ZACN: variants seen among roughly 807,000 people sequenced by gnomAD.
ZACN encodes zinc activated ion channel, also known as ligand-gated cation channel ZACN.
ZACN carries 52 observed loss-of-function variants against 38.9 expected under a neutral mutation model. The ratio of observed to expected loss-of-function variants is 1.34; its 90% confidence interval spans 1.07 to 1.68. ZACN has a LOEUF of 1.68. ZACN is among the 40% of genes most tolerant of loss of function. The probability of loss-of-function intolerance (pLI) is 0.00; values close to 1 mark genes in which losing one functional copy is unlikely to be tolerated. For missense variants in ZACN, 559 were observed against 525.6 expected (o/e 1.06, Z -0.62); for synonymous variants, 235 against 227.4 (o/e 1.03, Z -0.30).
In ZACN at chr17:76,080,374, C is replaced by G; in HGVS notation, c.494C>G (p.Pro165Arg). 6.2e-7 allele frequency: 1 copy of G among 1,614,144 alleles called. No individual in the cohort carries two copies. Among genetic ancestry groups the G allele is most frequent in the Non-Finnish European group, 8.5e-7 (1 of 1,180,028 alleles). The change falls in exon 5 of 9, where the codon CCC becomes CGC. Residue 165 changes from proline (P) to arginine (R), a missense_variant. Physicochemically the swap from Pro to Arg is moderately radical, Grantham distance 103. Coordinates refer to ENST00000334586, the MANE Select transcript of ZACN (RefSeq NM_180990.4). ...TNCNFELLHF[P>R]RDHSNCSLSF... is the part of the protein sequence containing the mutation. ...TGCAACTTTGAGCTCCTCCACTTCC[C>G]CCGGGACCACAGCAACTGCAGCCTC...
rs369781147 is a variant in ZACN at position 76,081,737 on chromosome 17, T to C, written c.862T>C (p.Ser288Pro). 13 of 1,614,018 alleles carry C rather than the reference T, an allele frequency of 8.1e-6. No homozygotes were observed. The highest frequency in any genetic ancestry group is 1.1e-5 in the Non-Finnish European group (13 of 1,179,964). The change falls in exon 7 of 9, where the codon TCC becomes CCC. Residue 288 changes from serine to proline, a missense_variant. Transcript: ENST00000334586. ...SLVQALPSSSSCNPLLIYYFT... is the reference protein window; with the variant it reads ...SLVQALPSSSPCNPLLIYYFT... The stretch of plus-strand genomic sequence containing the variant: ...GGTGCAGGCCCTGCCCAGCTCCTCC[T>C]CCTGCAACCCACTGCTCAGTAAGCC...
Position 76,079,920 on chromosome 17 carries a change from T to C in ZACN, c.300T>C (p.Thr100=), listed in dbSNP as rs1439296458. The change falls in exon 4 of 9, where the codon ACT becomes ACC. Residue 100 remains threonine, a synonymous_variant. Transcript: ENST00000334586. ...TGGACACTCGCCTGGCCTGGAACAC[T>C]AGTGCACACCCGCGGCACGCCATCA... ...SWLDTRLAWN[T]SAHPRHAITL... The C allele has an allele frequency of 6.2e-7, 1 of 1,600,444 alleles. No homozygotes were observed.
chr17:76,082,497 C>G lies in ZACN; in HGVS notation c.1083C>G (p.Ser361Arg), dbSNP rs2067025019. Residue 361 changes from serine to arginine, a missense_variant, in exon 9 of 9, where the codon AGC becomes AGG. By Grantham distance (110) the Ser-to-Arg change is moderately radical. Transcript: ENST00000334586. ...GAGGAGTAAAGGGGTCACAGAGAAG[C>G]TGGCCTGAGACTGCTGACCGCATCT... ...PSRGVKGSQR[S>R]WPETADRIFF... is the part of the protein sequence containing the mutation. 2 of 1,613,284 alleles carry G rather than the reference C, an allele frequency of 1.2e-6. No individual in the cohort carries two copies. Among genetic ancestry groups the G allele is most frequent in the Non-Finnish European group, 1.7e-6 (2 of 1,179,730 alleles).
At chr17:76,081,806 C>A (rs1359239305) in intron 7 of ZACN, 51 bp downstream of exon 7, 2 of 1,612,550 alleles carry the variant, frequency 1.2e-6, no homozygotes, top group South Asian at 2.2e-5. Flanking sequence ...CGGTCACCCA[C>A]TGGTGCTCAG....
chr17:76,079,783 C>G (rs2066921055), intron 3 of ZACN, 37 bp downstream of exon 3: 1 of 1,609,552 alleles, frequency 6.2e-7, no homozygotes, highest in Non-Finnish European at 8.5e-7. Context: ...GATGGGAAAG[C>G]CCAGCTGAGT....
chr17:76,080,901 T>C (rs879244238), intron 5 of ZACN: 1 of 447,918 alleles, frequency 2.2e-6, no homozygotes. Flanking sequence ...ACATCTAACT[T>C]GGCAGAGAAG....
intron 5 of ZACN, 139 bp downstream of exon 5, chr17:76,080,563 C>T: frequency 1.6e-6 from 2 of 1,213,026 alleles, no homozygotes; most frequent in East Asian, 5.1e-5. Context: ...ACTCCCAGGT[C>T]TGTGTTCAGA....
Position 76,081,484 on chromosome 17 carries a change from A to C in ZACN, c.670-61A>C. 3 of 1,609,694 alleles carry C rather than the reference A, an allele frequency of 1.9e-6. No individual in the cohort carries two copies. In the Admixed American group the frequency reaches 5.0e-5, roughly 27 times the overall value. Reference sequence around the variant, plus strand: ...GATGCACGGCCAGAGGCCAGGCCCCATGCCCCCGATGCCCACCTCCTTCCC... The same window carrying C: ...GATGCACGGCCAGAGGCCAGGCCCCCTGCCCCCGATGCCCACCTCCTTCCC... On this transcript the variant is annotated intron_variant, in intron 6 of 8. Transcript: ENST00000334586.
Position 76,081,309 on chromosome 17 carries a change from G to T in ZACN, c.576G>T (p.Val192=). Residue 192 remains valine, a synonymous_variant, in exon 6 of 9, where the codon GTG becomes GTT. Coordinates refer to ENST00000334586, the MANE Select transcript of ZACN (RefSeq NM_180990.4). ...AMELEFQAHV[V]NEIVSVKREY... is the part of the protein sequence containing the mutation. ...AGTTAGAGTTCCAGGCCCACGTGGT[G>T]AACGAGATTGTGAGTGTCAAGAGGG... 1 of 1,614,062 alleles carries T rather than the reference G, an allele frequency of 6.2e-7. No homozygotes were observed. The highest frequency in any genetic ancestry group is 1.1e-5 in the South Asian group (1 of 91,058).
At chr17:76,081,786 T>G (rs1394895787) in intron 7 of ZACN, 31 bp downstream of exon 7, 1 of 1,613,594 alleles carries the variant, frequency 6.2e-7, no homozygotes, top group East Asian at 2.2e-5. Flanking sequence ...CAGTCTGCCC[T>G]GTTTCTCCCC....
In ZACN at chr17:76,081,898, C is replaced by CCTG. The variant is rs1258817536; in HGVS notation, c.909_911dup (p.Leu304dup). On this transcript the variant is annotated inframe_insertion, in exon 8 of 9. Coordinates refer to ENST00000334586, the MANE Select transcript of ZACN (RefSeq NM_180990.4). ...CTCCCCCAGTTTACTACTTCACCAT[C>CCTG]CTGCTGCTGCTGCTCTTCCTCAGCA... is the stretch of plus-strand genomic sequence containing the variant. 6.2e-7 allele frequency: 1 copy of CCTG among 1,610,530 alleles called. No individual in the cohort carries two copies. Among genetic ancestry groups the CCTG allele is most frequent in the African/African-American group, 1.3e-5 (1 of 74,798 alleles).
chr17:76,080,573 A>G (rs768109262), intron 5 of ZACN, 149 bp downstream of exon 5: 2 of 1,149,544 alleles, frequency 1.7e-6, no homozygotes, highest in Non-Finnish European at 2.5e-6. Flanking sequence ...CTGTGTTCAG[A>G]GCAGTCTACC....
Position 76,081,645 on chromosome 17 carries a change from G to C in ZACN, c.770G>C (p.Arg257Pro), listed in dbSNP as rs776661652. ...GTGTGCGGGGGGTTGCTGCCCCTCC[G>C]GGCCATTGAGCGCATAGGCTACAAG... ...ADVCGGLLPL[R>P]AIERIGYKVT... The change falls in exon 7 of 9, where the codon CGG becomes CCG. Residue 257 changes from arginine (R) to proline (P), a missense_variant. Transcript: ENST00000334586. The C allele has an allele frequency of 1.9e-6, 3 of 1,614,136 alleles. No homozygotes were observed. Among genetic ancestry groups the C allele is most frequent in the Admixed American group, 1.7e-5 (1 of 60,030 alleles).
intron 4 of ZACN, 74 bp from the exon 5 acceptor site, chr17:76,080,181 T>A: frequency 6.6e-7 from 1 of 1,519,546 alleles, no homozygotes; most frequent in Non-Finnish European, 8.8e-7. Context: ...GGGTTGGGGT[T>A]GGGATGCCAG....
At position 76,081,631 on chromosome 17, in the gene ZACN, G is replaced by A. The variant is rs749241026; in HGVS notation, c.756G>A (p.Gly252=). 4 of 1,614,126 alleles carry A rather than the reference G, an allele frequency of 2.5e-6. No individual in the cohort carries two copies. In the African/African-American group the frequency reaches 5.3e-5, roughly 22 times the overall value. The change falls in exon 7 of 9, where the codon GGG becomes GGA. Residue 252 remains glycine (G), a synonymous_variant. Coordinates refer to ENST00000334586, the MANE Select transcript of ZACN (RefSeq NM_180990.4). ...EALLLADVCG[G]LLPLRAIERI... is the part of the protein sequence containing the mutation. ...TGCTGTTGGCTGACGTGTGCGGGGG[G>A]TTGCTGCCCCTCCGGGCCATTGAGC...
intron 7 of ZACN, 42 bp downstream of exon 7, chr17:76,081,797 G>A (rs367697538): frequency 3.3e-5 from 54 of 1,612,988 alleles, no homozygotes; most frequent in South Asian, 1.6e-4. Flanking sequence ...GTTTCTCCCC[G>A]GTCACCCACT....
In ZACN at chr17:76,082,787, T is replaced by C. The variant is rs78028737; in HGVS notation, c.*134T>C. On this transcript the variant is annotated 3_prime_UTR_variant, in exon 9 of 9. Transcript: ENST00000334586. The stretch of plus-strand genomic sequence containing the variant: ...TAGCACACAAGCACAGAGCGTGAAA[T>C]AAACCCATCTCCAGTGCAAGTGTGC... 109 of 826,306 alleles carry C rather than the reference T, an allele frequency of 1.3e-4. No individual in the cohort carries two copies. In the East Asian group the frequency reaches 2.3e-3, roughly 17 times the overall value. The allele number at this position is 826,306 out of a possible 1,614,324, so 51.2% of individuals were successfully genotyped here.
chr17:76,079,675 T>A (rs999147289), intron 2 of ZACN, 27 bp from the exon 3 acceptor site: 1 of 1,612,274 alleles, frequency 6.2e-7, no homozygotes, highest in South Asian at 1.1e-5. Flanking sequence ...GCGCTCACCC[T>A]GAGGTGATGC....
At chr17:76,080,932 G>C (rs2066946322) in intron 5 of ZACN, 1 of 418,870 alleles carries the variant, frequency 2.4e-6, no homozygotes, top group Non-Finnish European at 4.7e-6. Context: ...CCCTCCATGA[G>C]AGACCACAGC....
Sources: gnomAD v4.1 joint callset for allele counts on GRCh38, gnomAD v4.1.1 for gene constraint, MANE v1.5 for transcripts, NCBI Gene and HGNC (gene_info 2026-07-23, HGNC 2026-07-21) for gene names.